STPG2: variants seen among roughly 807,000 people sequenced by gnomAD.
STPG2 encodes the protein sperm-tail PG-rich repeat-containing protein 2.
A neutral mutation model predicts 54.2 loss-of-function variants in STPG2; 56 were observed. The ratio of observed to expected loss-of-function variants is 1.03; its 90% confidence interval spans 0.83 to 1.29. STPG2 has a LOEUF of 1.29. Among genes scored for constraint, STPG2 ranks in the 50% most tolerant of loss-of-function variants. STPG2 has a pLI of 0.00. For missense variants in STPG2, 596 were observed against 544.9 expected (o/e 1.09, Z -0.93); for synonymous variants, 200 against 181.8 (o/e 1.10, Z -0.81).
intron 8 of STPG2, among the ~76,000 whole-genome samples, chr4:97,857,782 G>T (rs1729381485): frequency 6.6e-6 from 1 of 151,886 alleles, no homozygotes; most frequent in Non-Finnish European, 1.5e-5. Flanking sequence ...GAAACTCAAA[G>T]AAATTCAAGA....
chr4:97,656,467 C>A (rs1317962154), intron 10 of STPG2, among the ~76,000 whole-genome samples: 1 of 151,854 alleles, frequency 6.6e-6, no homozygotes, highest in Non-Finnish European at 1.5e-5. Flanking sequence ...TCTTTTCTCT[C>A]CATTAGGACA....
At position 98,136,352 on chromosome 4, in the gene STPG2, C is replaced by T. The variant is rs189659510; in HGVS notation, c.110-1893G>A. ...GTAAATTGAAACTGCATGTAATATA[C>T]GTAACCTATAATAGCATAGATTAGT... On this transcript the variant is annotated intron_variant, in intron 1 of 10. Transcript: ENST00000295268. Among the ~76,000 whole-genome samples the T allele has an allele frequency of 2.6e-4, 39 of 151,744 alleles. No homozygotes were observed. In the East Asian group the frequency reaches 7.4e-3, roughly 29 times the overall value.
In STPG2 at chr4:97,615,555, G is replaced by A. The variant is rs182900046; in HGVS notation, c.1321-56438C>T. ...CTCCCATATTGGCCTCCTAAGTAGC[G>A]AGGATGACTACTGCATCTGGCTTAA... On this transcript the variant is annotated intron_variant, in intron 10 of 10. Coordinates refer to ENST00000295268, the MANE Select transcript of STPG2 (RefSeq NM_174952.3). 3.3e-3 allele frequency among the ~76,000 whole-genome samples: 502 copies of A among 152,088 alleles called. 3 individuals are homozygous for A. The highest frequency in any genetic ancestry group is 0.011 in the African/African-American group (473 of 41,508).
chr4:98,079,777 T>C (rs1383380380), intron 5 of STPG2, among the ~76,000 whole-genome samples: 1 of 152,142 alleles, frequency 6.6e-6, no homozygotes, highest in Non-Finnish European at 1.5e-5. Context: ...TAAAACTCTT[T>C]AGGTACATTT....
intron 4 of STPG2, among the ~76,000 whole-genome samples, chr4:97,473,159 A>G (rs545370213): frequency 1.8e-3 from 271 of 152,322 alleles, no homozygotes; most frequent in African/African-American, 6.3e-3. Flanking sequence ...GTGTTTGAAC[A>G]ATATGAAATC....
At chr4:97,972,861 T>C (rs1734381144) in intron 6 of STPG2, among the ~76,000 whole-genome samples, 1 of 152,242 alleles carries the variant, frequency 6.6e-6, no homozygotes, top group Non-Finnish European at 1.5e-5. Flanking sequence ...ATGTGAGACA[T>C]GCCTTTCACC....
At chr4:97,983,059 G>A (rs547254843) in intron 5 of STPG2, among the ~76,000 whole-genome samples, 4 of 152,148 alleles carry the variant, frequency 2.6e-5, no homozygotes, top group African/African-American at 9.6e-5. Context: ...GAACAACACG[G>A]GTTTGAACAA....
At chr4:97,919,018 T>C (rs1358645615) in intron 8 of STPG2, among the ~76,000 whole-genome samples, 1 of 152,176 alleles carries the variant, frequency 6.6e-6, no homozygotes, top group African/African-American at 2.4e-5. Context: ...TTGAGTATGC[T>C]CTACTTCAAT....
At chr4:97,650,178 G>C (rs1464419453) in intron 10 of STPG2, among the ~76,000 whole-genome samples, 3 of 152,134 alleles carry the variant, frequency 2.0e-5, no homozygotes, top group African/African-American at 7.2e-5. Flanking sequence ...TGTAAATACA[G>C]ATGAAGCTTT....
intron 4 of STPG2, among the ~76,000 whole-genome samples, chr4:97,459,492 T>G (rs1176066391): frequency 1.4e-5 from 2 of 146,846 alleles, no homozygotes; most frequent in African/African-American, 2.6e-5. Context: ...CAGGCTGGAG[T>G]GCAGTGGCGT....
At chr4:97,645,959 A>T (rs1192675828) in intron 10 of STPG2, among the ~76,000 whole-genome samples, 1 of 152,104 alleles carries the variant, frequency 6.6e-6, no homozygotes, top group East Asian at 1.9e-4. Flanking sequence ...AAACTCTGAC[A>T]CAAACACACT....
intron 10 of STPG2, among the ~76,000 whole-genome samples, chr4:97,667,856 C>T (rs957539593): frequency 3.3e-5 from 5 of 152,104 alleles, no homozygotes; most frequent in Non-Finnish European, 7.4e-5. Context: ...CTTAATGAAT[C>T]GTGCACATAT....
At chr4:98,141,316 C>T (rs1045577608) in intron 1 of STPG2, among the ~76,000 whole-genome samples, 1 of 152,174 alleles carries the variant, frequency 6.6e-6, no homozygotes, top group Non-Finnish European at 1.5e-5. Flanking sequence ...AATACCCTTT[C>T]CCCTTCGTTT....
At chr4:97,663,482 T>G (rs1052710817) in intron 10 of STPG2, among the ~76,000 whole-genome samples, 2 of 152,208 alleles carry the variant, frequency 1.3e-5, no homozygotes, top group Non-Finnish European at 2.9e-5. Flanking sequence ...AATATTGCAT[T>G]TTTATAACAA....
chr4:97,890,524 A>G (rs2149174337), intron 8 of STPG2, among the ~76,000 whole-genome samples: 1 of 152,042 alleles, frequency 6.6e-6, no homozygotes, highest in South Asian at 2.1e-4. Flanking sequence ...TTAAAAGGCA[A>G]CCCACATTTA....
chr4:97,613,544 G>A (rs1733785623), intron 10 of STPG2, among the ~76,000 whole-genome samples: 1 of 151,180 alleles, frequency 6.6e-6, no homozygotes, highest in East Asian at 2.0e-4. Context: ...GTGTGTATTA[G>A]GGAATGGGGG....
intron 8 of STPG2, among the ~76,000 whole-genome samples, chr4:97,908,219 C>T (rs1428984781): frequency 6.6e-6 from 1 of 152,184 alleles, no homozygotes; most frequent in South Asian, 2.1e-4. Context: ...TGAACACACA[C>T]TTCTCAAAAG....
At chr4:97,693,696 A>G (rs532346227) in intron 10 of STPG2, among the ~76,000 whole-genome samples, 1 of 152,318 alleles carries the variant, frequency 6.6e-6, no homozygotes. Context: ...ATTCTACCCA[A>G]CAATTGCAAA....
At chr4:97,462,463 T>G (rs1358196364) in intron 4 of STPG2, among the ~76,000 whole-genome samples, 3 of 151,986 alleles carry the variant, frequency 2.0e-5, no homozygotes, top group Non-Finnish European at 4.4e-5. Flanking sequence ...GATTTTTAAT[T>G]GGGATTACAT....
Sources: allele counts gnomAD v4.1 joint callset (sites outside exome capture counted in the v4.1 genomes callset), GRCh38; gene constraint gnomAD v4.1.1; transcripts MANE v1.5; gene names NCBI Gene and HGNC (gene_info 2026-07-23, HGNC 2026-07-21).